The following OPRD1 variants were observed in gnomAD, a reference collection of about 807,000 sequenced individuals.
OPRD1 encodes delta-type opioid receptor.
OPRD1 carries 19 observed loss-of-function variants against 17.5 expected under a neutral mutation model. That is an observed-to-expected ratio of 1.09 (90% confidence interval 0.76 to 1.60). The LOEUF is 1.60. OPRD1 is among the 40% of genes most tolerant of loss of function. The pLI is 0.00. For synonymous variants in OPRD1, 256 were observed against 240.9 expected, an observed-to-expected ratio of 1.06 and a Z score of -0.58; for missense variants, 483 against 547.2, an observed-to-expected ratio of 0.88 and a Z score of 1.17.
intron 2 of OPRD1, among the ~76,000 whole-genome samples, chr1:28,861,938 G>T (rs2089126506): frequency 6.9e-6 from 1 of 145,434 alleles, no homozygotes; most frequent in African/African-American, 2.6e-5. Flanking sequence ...TTGAGACGGA[G>T]TCTCGCTCTG....
At chr1:28,862,206 C>T (rs1016387432) in intron 2 of OPRD1, among the ~76,000 whole-genome samples, 6 of 152,054 alleles carry the variant, frequency 3.9e-5, no homozygotes, top group East Asian at 1.9e-4. Flanking sequence ...CGTGAACTAC[C>T]GCACCTGTCC....
intron 2 of OPRD1, among the ~76,000 whole-genome samples, chr1:28,859,836 G>A (rs184351402): frequency 6.6e-6 from 1 of 152,214 alleles, no homozygotes. Flanking sequence ...ACAAATAGGA[G>A]CTAAAATGGT....
At chr1:28,822,391 G>C (rs2088723904) in intron 1 of OPRD1, among the ~76,000 whole-genome samples, 2 of 152,120 alleles carry the variant, frequency 1.3e-5, no homozygotes, top group Non-Finnish European at 2.9e-5. Context: ...TGGCCCTGGA[G>C]ATTCGGGTGG....
Position 28,863,666 on chromosome 1 carries a change from G to A in OPRD1, c.*383G>A, listed in dbSNP as rs866496411. 8.5e-5 allele frequency: 17 copies of A among 200,278 alleles called. No homozygotes were observed. The Middle Eastern group carries it at 5.3e-3, about 63-fold the overall frequency. 12.4% of individuals were successfully genotyped at this position (200,278 alleles called of 1,614,324 possible). ...AGACAGCTTCGGTTTCTAACTTGGA[G>A]CCGGACTTTCGGAGTTGGGGGTCCG... is the stretch of plus-strand genomic sequence containing the variant. On this transcript the variant is annotated 3_prime_UTR_variant, in exon 3 of 3. Transcript: ENST00000234961.
In OPRD1 at chr1:28,870,134, A is replaced by G. The variant is rs765539302; in HGVS notation, c.*6851A>G. The G allele has an allele frequency of 2.0e-5, 3 of 152,166 alleles. No individual in the cohort carries two copies. Among genetic ancestry groups the G allele is most frequent in the Non-Finnish European group, 4.4e-5 (3 of 68,028 alleles). The allele number at this position is 152,166 out of a possible 1,614,324, so 9.4% of individuals were successfully genotyped here. A position where few individuals can be genotyped will look rare whatever the true frequency, so the allele number is the denominator to read the frequency against. On this transcript the variant is annotated 3_prime_UTR_variant, in exon 3 of 3. Coordinates refer to ENST00000234961, the MANE Select transcript of OPRD1 (RefSeq NM_000911.4). ...ACACACAGTAGTTATCTACTGAGCT[A>G]ATGAACAATGTCCCTGGTGCATAGT...
At chr1:28,858,457 A>G (rs892475233) in intron 1 of OPRD1, among the ~76,000 whole-genome samples, 1 of 151,862 alleles carries the variant, frequency 6.6e-6, no homozygotes, top group South Asian at 2.1e-4. Context: ...ATTCACAACC[A>G]GAGAAATCCT....
chr1:28,847,404 G>T (rs926912782), intron 1 of OPRD1, among the ~76,000 whole-genome samples: 4 of 152,166 alleles, frequency 2.6e-5, no homozygotes, highest in African/African-American at 9.7e-5. Flanking sequence ...CAGGACCAGG[G>T]CAGAGGTCCA....
At chr1:28,839,533 T>C (rs1262515635) in intron 1 of OPRD1, among the ~76,000 whole-genome samples, 3 of 152,150 alleles carry the variant, frequency 2.0e-5, no homozygotes, top group Non-Finnish European at 4.4e-5. Flanking sequence ...CCAAATGAGC[T>C]TTGGTCTAGG....
At chr1:28,861,975 G>A (rs1478603902) in intron 2 of OPRD1, among the ~76,000 whole-genome samples, 6 of 148,526 alleles carry the variant, frequency 4.0e-5, no homozygotes, top group Non-Finnish European at 7.4e-5. Flanking sequence ...CCAGTGGCAC[G>A]ATCTCGGCTC....
chr1:28,851,024 T>TCA (rs530496479), intron 1 of OPRD1, among the ~76,000 whole-genome samples: 154 of 151,678 alleles, frequency 1.0e-3, no homozygotes, highest in African/African-American at 3.2e-3. Flanking sequence ...ACATGAATCT[T>TCA]CACACACACA....
chr1:28,823,393 T>G (rs2088733379), intron 1 of OPRD1, among the ~76,000 whole-genome samples: 1 of 150,194 alleles, frequency 6.7e-6, no homozygotes, highest in African/African-American at 2.5e-5. Flanking sequence ...GTTTGTTTAT[T>G]TATTTATTTA....
intron 2 of OPRD1, among the ~76,000 whole-genome samples, chr1:28,861,453 T>G (rs1392967692): frequency 6.6e-6 from 1 of 152,148 alleles, no homozygotes; most frequent in Admixed American, 6.6e-5. Context: ...TTTGTTTTTG[T>G]TGTTGTTTTG....
intron 1 of OPRD1, among the ~76,000 whole-genome samples, chr1:28,858,025 G>C (rs1557579771): frequency 6.6e-6 from 1 of 151,238 alleles, no homozygotes; most frequent in East Asian, 1.9e-4. Context: ...TCAATCTCTG[G>C]ACCTCGTGAT....
intron 1 of OPRD1, among the ~76,000 whole-genome samples, chr1:28,846,823 T>TTTTC (rs79304003): frequency 7.7e-6 from 1 of 129,670 alleles, no homozygotes; most frequent in African/African-American, 4.0e-5. Context: ...TGTTTGCATT[T>TTTTC]TCTTTCTTTC....
chr1:28,814,642 A>T (rs2124254672), intron 1 of OPRD1, among the ~76,000 whole-genome samples: 1 of 152,280 alleles, frequency 6.6e-6, no homozygotes, highest in East Asian at 1.9e-4. Flanking sequence ...GACTGAGCAC[A>T]GCTTCCCCAC....
chr1:28,839,772 G>A (rs2088880376), intron 1 of OPRD1, among the ~76,000 whole-genome samples: 1 of 152,136 alleles, frequency 6.6e-6, no homozygotes, highest in Non-Finnish European at 1.5e-5. Flanking sequence ...TTTCCCCCAC[G>A]ACCAGCAGAG....
At chr1:28,848,998 A>G (rs2088976862) in intron 1 of OPRD1, among the ~76,000 whole-genome samples, 1 of 152,078 alleles carries the variant, frequency 6.6e-6, no homozygotes, top group African/African-American at 2.4e-5. Context: ...GCTACCCTCC[A>G]CTCTGCAAGA....
At chr1:28,820,313 A>G (rs1008078873) in intron 1 of OPRD1, among the ~76,000 whole-genome samples, 1 of 150,636 alleles carries the variant, frequency 6.6e-6, no homozygotes, top group South Asian at 2.1e-4. Flanking sequence ...TCTTGCCTCA[A>G]CCTCCTGAGT....
intron 1 of OPRD1, among the ~76,000 whole-genome samples, chr1:28,846,704 A>AG (rs1345078781): frequency 1.4e-5 from 2 of 140,570 alleles, no homozygotes; most frequent in Admixed American, 7.2e-5. Context: ...AAAAAAAAAA[A>AG]AGAGAGAGAG....
Sources: gnomAD v4.1 joint callset for allele counts (sites outside exome capture counted in the v4.1 genomes callset) on GRCh38, gnomAD v4.1.1 for gene constraint, MANE v1.5 for transcripts, NCBI Gene and HGNC (gene_info 2026-07-23, HGNC 2026-07-21) for gene names.